The following FAM168A variants were observed in gnomAD, a reference collection of about 807,000 sequenced individuals.
FAM168A encodes protein FAM168A.
FAM168A carries 3 observed loss-of-function variants against 28.5 expected under a neutral mutation model. The ratio of observed to expected loss-of-function variants is 0.11; its 90% CI spans 0.05 to 0.27. FAM168A has a LOEUF of 0.27. FAM168A is among the 10% of genes least tolerant of loss of function. The pLI, the probability that FAM168A is intolerant of heterozygous loss-of-function variation, is 1.00. For missense variants in FAM168A, 222 were observed against 311.5 expected, an observed-to-expected ratio of 0.71 and a Z score of 2.16; for synonymous variants, 122 against 124.2, an observed-to-expected ratio of 0.98 and a Z score of 0.12.
intron 1 of FAM168A, among the ~76,000 whole-genome samples, chr11:73,484,612 A>ATC (rs1868022192): frequency 5.7e-5 from 8 of 140,986 alleles, no homozygotes; most frequent in Non-Finnish European, 9.2e-5. Flanking sequence ...CTATATCGAT[A>ATC]TATATCTATA....
chr11:73,541,923 ACCAAAC>A (rs1943662643), intron 1 of FAM168A, among the ~76,000 whole-genome samples: 2 of 152,154 alleles, frequency 1.3e-5, no homozygotes, highest in African/African-American at 4.8e-5. Context: ...GTTATTTAAA[ACCAAAC>A]CATAATTAGA....
intron 3 of FAM168A, among the ~76,000 whole-genome samples, chr11:73,426,719 G>GT (rs2134504971): frequency 6.6e-6 from 1 of 151,932 alleles, no homozygotes; most frequent in Non-Finnish European, 1.5e-5. Flanking sequence ...GTGTGTGTGT[G>GT]TGTGTGTGTG....
At chr11:73,568,859 C>T (rs1239902507) in intron 1 of FAM168A, among the ~76,000 whole-genome samples, 1 of 152,048 alleles carries the variant, frequency 6.6e-6, no homozygotes, top group Non-Finnish European at 1.5e-5. Context: ...CCAGCCACTG[C>T]ACAAGCGAAA....
chr11:73,553,388 A>G (rs1943850809), intron 1 of FAM168A, among the ~76,000 whole-genome samples: 1 of 152,196 alleles, frequency 6.6e-6, no homozygotes, highest in Admixed American at 6.5e-5. Context: ...GAAGTTCAGT[A>G]TCTCTTCTTT....
intron 1 of FAM168A, among the ~76,000 whole-genome samples, chr11:73,512,298 T>C (rs1855241668): frequency 6.6e-6 from 1 of 152,192 alleles, no homozygotes; most frequent in African/African-American, 2.4e-5. Flanking sequence ...ACCTACATTT[T>C]TTATGAGAAA....
intron 2 of FAM168A, among the ~76,000 whole-genome samples, chr11:73,438,684 A>G (rs1031312342): frequency 6.6e-6 from 1 of 152,136 alleles, no homozygotes; most frequent in African/African-American, 2.4e-5. Flanking sequence ...TACAAAAACT[A>G]CTCTGGCGGC....
chr11:73,563,829 T>C (rs17310374), intron 1 of FAM168A, among the ~76,000 whole-genome samples: 11,870 of 152,214 alleles, frequency 0.078, 561 homozygotes, highest in Non-Finnish European at 0.11. Flanking sequence ...AGAAGAGAAA[T>C]AGATTAGTTA....
At chr11:73,498,165 C>G (rs547679793) in intron 1 of FAM168A, among the ~76,000 whole-genome samples, 1 of 151,852 alleles carries the variant, frequency 6.6e-6, no homozygotes, top group East Asian at 1.9e-4. Flanking sequence ...AGGCTCCCAT[C>G]GAAAAAAAAC....
intron 2 of FAM168A, among the ~76,000 whole-genome samples, chr11:73,461,341 CT>C (rs1183594373): frequency 1.3e-5 from 2 of 152,112 alleles, no homozygotes; most frequent in Non-Finnish European, 2.9e-5. Context: ...TGGTCTCAAA[CT>C]CCTGGCCTCA....
chr11:73,427,930 T>G (rs1590766046), intron 3 of FAM168A, among the ~76,000 whole-genome samples: 2 of 152,162 alleles, frequency 1.3e-5, no homozygotes, highest in Non-Finnish European at 2.9e-5. Flanking sequence ...CCAGTCCTAC[T>G]CCTTCCTGTG....
At position 73,404,625 on chromosome 11, in the gene FAM168A, G is replaced by C. The variant is rs1866470314; in HGVS notation, c.*2138C>G. The C allele has an allele frequency of 6.6e-6, 1 of 152,188 alleles. No homozygotes were observed. The highest frequency in any genetic ancestry group is 2.1e-4 in the South Asian group (1 of 4,834). 9.4% of individuals were successfully genotyped at this position (152,188 alleles called of 1,614,324 possible). ...ATCAGCACCCAGAACAGATAATTTA[G>C]AACAGCTGAATTTTTTCTTACTGGT... On this transcript the variant is annotated 3_prime_UTR_variant, in exon 8 of 8. Coordinates refer to ENST00000356467, the MANE Select transcript of FAM168A (RefSeq NM_015159.3).
At chr11:73,550,981 G>A (rs1401219061) in intron 1 of FAM168A, among the ~76,000 whole-genome samples, 1 of 151,996 alleles carries the variant, frequency 6.6e-6, no homozygotes, top group Non-Finnish European at 1.5e-5. Flanking sequence ...CACGGTGATG[G>A]GCGCCTGTTG....
At chr11:73,468,013 T>A (rs190826761) in intron 2 of FAM168A, among the ~76,000 whole-genome samples, 3 of 152,220 alleles carry the variant, frequency 2.0e-5, no homozygotes, top group African/African-American at 4.8e-5. Context: ...TTTGGTTGCA[T>A]AGCATTGAGA....
At chr11:73,521,446 G>A (rs1590830638) in intron 1 of FAM168A, among the ~76,000 whole-genome samples, 2 of 151,982 alleles carry the variant, frequency 1.3e-5, no homozygotes, top group East Asian at 3.9e-4. Context: ...GAGCCCAAGG[G>A]TGGAAGGAGA....
At chr11:73,494,867 G>C (rs1854837800) in intron 1 of FAM168A, among the ~76,000 whole-genome samples, 1 of 152,058 alleles carries the variant, frequency 6.6e-6, no homozygotes, top group Non-Finnish European at 1.5e-5. Flanking sequence ...AGGTGTGGGG[G>C]CCCATGCCTG....
At chr11:73,572,399 G>A (rs1304526541) in intron 1 of FAM168A, among the ~76,000 whole-genome samples, 1 of 152,136 alleles carries the variant, frequency 6.6e-6, no homozygotes, top group Non-Finnish European at 1.5e-5. Flanking sequence ...TTGAGAACGG[G>A]CCATGATGAC....
At chr11:73,505,176 T>A (rs1855083496) in intron 1 of FAM168A, among the ~76,000 whole-genome samples, 1 of 151,174 alleles carries the variant, frequency 6.6e-6, no homozygotes, top group South Asian at 2.1e-4. Context: ...AATATGGCCA[T>A]TTTGCCAATA....
At position 73,598,008 on chromosome 11, in the gene FAM168A, C is replaced by T. The variant is rs1253335278; in HGVS notation, c.-104G>A. On this transcript the variant is annotated 5_prime_UTR_variant, in exon 1 of 8. Transcript: ENST00000356467. ...TTCTCCGGAGGCTACGGCGGCGACG[C>T]TCTCGCCCGTGTCCAGTAGGGTGGC... 2.0e-5 allele frequency: 3 copies of T among 153,602 alleles called. No homozygotes were observed. Among genetic ancestry groups the T allele is most frequent in the African/African-American group, 7.2e-5 (3 of 41,440 alleles). The allele number at this position is 153,602 out of a possible 1,614,324, so 9.5% of individuals were successfully genotyped here. A position where few individuals can be genotyped will look rare whatever the true frequency, so the allele number is the denominator to read the frequency against.
chr11:73,493,179 A>G (rs1469213944), intron 1 of FAM168A, among the ~76,000 whole-genome samples: 2 of 150,756 alleles, frequency 1.3e-5, no homozygotes, highest in Non-Finnish European at 3.0e-5. Flanking sequence ...TGAAAGTAGG[A>G]AAAAAAAAAT....
Sources: gnomAD v4.1 joint callset for allele counts (sites outside exome capture counted in the v4.1 genomes callset) on GRCh38, gnomAD v4.1.1 for gene constraint, MANE v1.5 for transcripts, NCBI Gene and HGNC (gene_info 2026-07-23, HGNC 2026-07-21) for gene names.